The following H4C1 variants were observed in gnomAD, a reference collection of about 807,000 sequenced individuals.
H4C1 encodes the protein histone H4.
H4C1 carries 9 observed loss-of-function variants against 4.4 expected under a neutral mutation model. The ratio of observed to expected loss-of-function variants is 2.05; its 90% CI spans 1.23 to 3.57. The LOEUF is 3.57. H4C1 is among the 30% of genes most tolerant of loss of function. The pLI, the probability that H4C1 is intolerant of heterozygous loss-of-function variation, is 0.00. For missense variants in H4C1, 124 were observed against 148.8 expected, an observed-to-expected ratio of 0.83 and a Z score of 0.87; for synonymous variants, 74 against 57.9, an observed-to-expected ratio of 1.28 and a Z score of -1.27.
chr6:26,021,956 G>A lies in H4C1; in HGVS notation c.278G>A (p.Arg93His). 6.2e-7 allele frequency: 1 copy of A among 1,609,504 alleles called. No homozygotes were observed. Among genetic ancestry groups the A allele is most frequent in the Non-Finnish European group, 8.5e-7 (1 of 1,177,028 alleles). Reference protein sequence around the residue: ...TAMDVVYALKRQGRTLYGFGG With the variant: ...TAMDVVYALKHQGRTLYGFGG Reference sequence around the variant, plus strand: ...ATGGACGTGGTCTACGCGCTTAAGCGCCAGGGACGCACCCTTTATGGCTTT... The same window carrying A: ...ATGGACGTGGTCTACGCGCTTAAGCACCAGGGACGCACCCTTTATGGCTTT... Residue 93 changes from arginine (R) to histidine (H), a missense_variant, in exon 1 of 1, where the codon CGC (arginine) becomes CAC (histidine). By Grantham distance (29) the Arg-to-His change is conservative (BLOSUM62 0). Coordinates refer to ENST00000617569, the MANE Select transcript of H4C1 (RefSeq NM_003538.4).
In H4C1 at chr6:26,021,943, T is replaced by TA. The variant is rs1436314307; in HGVS notation, c.266dup (p.Tyr89Ter). ...GACAGTCACTGCCATGGACGTGGTC[T>TA]ACGCGCTTAAGCGCCAGGGACGCAC... ...RKTVTAMDVV[Y>*]ALKRQGRTLY... Residue 89 changes from tyrosine (Y) to a stop codon, truncating the protein, a stop_gained and frameshift_variant, in exon 1 of 1, where the codon TAC becomes TAAC. Transcript: ENST00000617569. LOFTEE classifies it high-confidence loss of function. 16 of 1,612,126 alleles carry TA rather than the reference T, an allele frequency of 9.9e-6. No homozygotes were observed. The African/African-American group carries it at 2.0e-4, about 20-fold the overall frequency.
At position 26,021,829 on chromosome 6, in the gene H4C1, A is replaced by G. The variant is rs1261023659; in HGVS notation, c.151A>G (p.Ile51Val). The change falls in exon 1 of 1, where the codon ATC (isoleucine) becomes GTC (valine). Residue 51 changes from isoleucine (I) to valine (V), a missense_variant. By Grantham distance (29) the Ile-to-Val change is conservative. Coordinates refer to ENST00000617569, the MANE Select transcript of H4C1 (RefSeq NM_003538.4). ...RGGVKRISGL[I>V]YEETRGVLKV... ...CGGTGTGAAGCGGATCTCTGGTCTG[A>G]TCTACGAGGAGACTCGCGGGGTGCT... 1.9e-6 allele frequency: 3 copies of G among 1,614,124 alleles called. No individual in the cohort carries two copies. Among genetic ancestry groups the G allele is most frequent in the Non-Finnish European group, 2.5e-6 (3 of 1,180,048 alleles).
At position 26,022,026 on chromosome 6, in the gene H4C1, C is replaced by CA; in HGVS notation, c.*39dup. On this transcript the variant is annotated 3_prime_UTR_variant, in exon 1 of 1. Coordinates refer to ENST00000617569, the MANE Select transcript of H4C1 (RefSeq NM_003538.4). ...TTCTCCACAGCTTGCATTTCTGAACCAAAGGCCCTTTTCAGGGCCGCCCAA... is the reference window on the plus strand; with the variant it reads ...TTCTCCACAGCTTGCATTTCTGAACCAAAAGGCCCTTTTCAGGGCCGCCCAA... 1 of 1,528,598 alleles carries CA rather than the reference C, an allele frequency of 6.5e-7. No homozygotes were observed. The highest frequency in any genetic ancestry group is 2.3e-5 in the East Asian group (1 of 44,080). The allele number at this position is 1,528,598 out of a possible 1,614,324, so 94.7% of individuals were successfully genotyped here.
At position 26,021,999 on chromosome 6, in the gene H4C1, AT is replaced by A; in HGVS notation, c.*12del. 2 of 1,559,166 alleles carry A rather than the reference AT, an allele frequency of 1.3e-6. No individual in the cohort carries two copies. The highest frequency in any genetic ancestry group is 1.7e-6 in the Non-Finnish European group (2 of 1,152,126). ...ATGGCTTTGGCGGTTAAGGTTGCTG[AT>A]TTCTCCACAGCTTGCATTTCTGAAC... is the stretch of plus-strand genomic sequence containing the variant. On this transcript the variant is annotated 3_prime_UTR_variant, in exon 1 of 1. Transcript: ENST00000617569.
In H4C1 at chr6:26,021,919, A is replaced by G; in HGVS notation, c.241A>G (p.Thr81Ala). 6.2e-7 allele frequency: 1 copy of G among 1,614,068 alleles called. No homozygotes were observed. The highest frequency in any genetic ancestry group is 2.2e-5 in the East Asian group (1 of 44,872). ...CTATACGGAGCACGCCAAGCGCAAG[A>G]CAGTCACTGCCATGGACGTGGTCTA... The part of the protein sequence containing the change: ...VTYTEHAKRK[T>A]VTAMDVVYAL... The change falls in exon 1 of 1, where the codon ACA becomes GCA. Residue 81 changes from threonine to alanine, a missense_variant. Physicochemically the swap from Thr to Ala is moderately conservative, Grantham distance 58. Transcript: ENST00000617569.
rs1561915280 is a variant in H4C1, at chr6:26,021,945, C to A, written c.267C>A (p.Tyr89Ter). ...CAGTCACTGCCATGGACGTGGTCTA[C>A]GCGCTTAAGCGCCAGGGACGCACCC... is the stretch of plus-strand genomic sequence containing the variant. ...RKTVTAMDVVYALKRQGRTLY... is the reference protein window; with the variant it reads ...RKTVTAMDVV The change falls in exon 1 of 1, where the codon TAC becomes TAA. Residue 89 changes from tyrosine (Y) to a stop codon, truncating the protein, a stop_gained. Coordinates refer to ENST00000617569, the MANE Select transcript of H4C1 (RefSeq NM_003538.4). LOFTEE classifies it high-confidence loss of function. 10 of 1,611,416 alleles carry A rather than the reference C, an allele frequency of 6.2e-6. No homozygotes were observed. In the East Asian group the frequency reaches 1.3e-4, roughly 22 times the overall value.
In H4C1 at chr6:26,021,975, T is replaced by C. The variant is rs1488097376; in HGVS notation, c.297T>C (p.Tyr99=). 3 of 1,591,914 alleles carry C rather than the reference T, an allele frequency of 1.9e-6. No homozygotes were observed. The highest frequency in any genetic ancestry group is 1.7e-6 in the Non-Finnish European group (2 of 1,167,774). ...YALKRQGRTL[Y]GFGG ...TTAAGCGCCAGGGACGCACCCTTTA[T>C]GGCTTTGGCGGTTAAGGTTGCTGAT... Residue 99 remains tyrosine, a synonymous_variant, in exon 1 of 1, where the codon TAT becomes TAC. Transcript: ENST00000617569.
rs1373192282 is a variant in H4C1 at position 26,021,702 on chromosome 6, G to A, written c.24G>A (p.Gly8=). 6 of 1,609,978 alleles carry A rather than the reference G, an allele frequency of 3.7e-6. No individual in the cohort carries two copies. The highest frequency in any genetic ancestry group is 5.1e-6 in the Non-Finnish European group (6 of 1,177,438). The change falls in exon 1 of 1, where the codon GGG becomes GGA. Residue 8 remains glycine, a synonymous_variant. Transcript: ENST00000617569. The stretch of plus-strand genomic sequence containing the variant: ...TCATGTCTGGACGTGGTAAGGGCGG[G>A]AAGGGTTTGGGTAAGGGGGGTGCCA... MSGRGKG[G]KGLGKGGAKR...
Position 26,021,846 on chromosome 6 carries a change from C to G in H4C1, c.168C>G (p.Arg56=). The part of the protein sequence containing the change: ...RISGLIYEET[R]GVLKVFLENV... ...CTGGTCTGATCTACGAGGAGACTCGCGGGGTGCTCAAGGTGTTTTTGGAGA... is the reference window on the plus strand; with the variant it reads ...CTGGTCTGATCTACGAGGAGACTCGGGGGGTGCTCAAGGTGTTTTTGGAGA... The change falls in exon 1 of 1, where the codon CGC becomes CGG. Residue 56 remains arginine (R), a synonymous_variant. Coordinates refer to ENST00000617569, the MANE Select transcript of H4C1 (RefSeq NM_003538.4). 1 of 1,614,212 alleles carries G rather than the reference C, an allele frequency of 6.2e-7. No individual in the cohort carries two copies. The highest frequency in any genetic ancestry group is 8.5e-7 in the Non-Finnish European group (1 of 1,180,026).
In H4C1 at chr6:26,022,030, G is replaced by C; in HGVS notation, c.*40G>C. 1 of 1,526,530 alleles carries C rather than the reference G, an allele frequency of 6.6e-7. No homozygotes were observed. The allele number at this position is 1,526,530 out of a possible 1,614,324, so 94.6% of individuals were successfully genotyped here. ...CCACAGCTTGCATTTCTGAACCAAA[G>C]GCCCTTTTCAGGGCCGCCCAACTAA... On this transcript the variant is annotated 3_prime_UTR_variant, in exon 1 of 1. Coordinates refer to ENST00000617569, the MANE Select transcript of H4C1 (RefSeq NM_003538.4).
Position 26,021,741 on chromosome 6 carries a change from G to A in H4C1, c.63G>A (p.Lys21=), listed in dbSNP as rs771866075. Residue 21 remains lysine, a synonymous_variant, in exon 1 of 1, where the codon AAG becomes AAA. Transcript: ENST00000617569. The part of the protein sequence containing the change: ...LGKGGAKRHR[K]VLRDNIQGIT... The stretch of plus-strand genomic sequence containing the variant: ...AGGGGGGTGCCAAGCGCCACCGCAA[G>A]GTGTTGCGTGACAACATCCAGGGCA... The A allele has an allele frequency of 3.7e-5, 59 of 1,614,088 alleles. No individual in the cohort carries two copies. Among genetic ancestry groups the A allele is most frequent in the Non-Finnish European group, 4.9e-5 (58 of 1,180,028 alleles).
In H4C1 at chr6:26,021,699, C is replaced by CG; in HGVS notation, c.24dup (p.Lys9GlufsTer5). On this transcript the variant is annotated frameshift_variant, in exon 1 of 1. Transcript: ENST00000617569. LOFTEE classifies it high-confidence loss of function. ...AAGTCATGTCTGGACGTGGTAAGGGCGGGAAGGGTTTGGGTAAGGGGGGTG... is the reference window on the plus strand; with the variant it reads ...AAGTCATGTCTGGACGTGGTAAGGGCGGGGAAGGGTTTGGGTAAGGGGGGTG... The CG allele has an allele frequency of 6.2e-7, 1 of 1,608,106 alleles. No individual in the cohort carries two copies. The highest frequency in any genetic ancestry group is 8.5e-7 in the Non-Finnish European group (1 of 1,176,360).
Position 26,021,719 on chromosome 6 carries a change from G to T in H4C1, c.41G>T (p.Gly14Val). The T allele has an allele frequency of 6.2e-7, 1 of 1,613,412 alleles. No individual in the cohort carries two copies. Among genetic ancestry groups the T allele is most frequent in the Non-Finnish European group, 8.5e-7 (1 of 1,179,568 alleles). Residue 14 changes from glycine to valine, a missense_variant, in exon 1 of 1, where the codon GGG becomes GTG. Physicochemically the swap from Gly to Val is moderately radical, Grantham distance 109. Coordinates refer to ENST00000617569, the MANE Select transcript of H4C1 (RefSeq NM_003538.4). Reference sequence around the variant, plus strand: ...AAGGGCGGGAAGGGTTTGGGTAAGGGGGGTGCCAAGCGCCACCGCAAGGTG... The same window carrying T: ...AAGGGCGGGAAGGGTTTGGGTAAGGTGGGTGCCAAGCGCCACCGCAAGGTG... ...RGKGGKGLGK[G>V]GAKRHRKVLR...
Position 26,021,845 on chromosome 6 carries a change from G to A in H4C1, c.167G>A (p.Arg56His). ...RISGLIYEET[R>H]GVLKVFLENV... ...TCTGGTCTGATCTACGAGGAGACTC[G>A]CGGGGTGCTCAAGGTGTTTTTGGAG... Residue 56 changes from arginine to histidine, a missense_variant, in exon 1 of 1, where the codon CGC becomes CAC. By Grantham distance (29) the Arg-to-His change is conservative. Transcript: ENST00000617569. 6.2e-7 allele frequency: 1 copy of A among 1,614,256 alleles called. No homozygotes were observed. The highest frequency in any genetic ancestry group is 8.5e-7 in the Non-Finnish European group (1 of 1,180,038).
rs778763023 is a variant in H4C1, at chr6:26,021,881, G to A, written c.203G>A (p.Arg68His). Residue 68 changes from arginine (R) to histidine (H), a missense_variant, in exon 1 of 1, where the codon CGT becomes CAT. Coordinates refer to ENST00000617569, the MANE Select transcript of H4C1 (RefSeq NM_003538.4). ...AAGGTGTTTTTGGAGAACGTGATCC[G>A]TGACGCTGTCACCTATACGGAGCAC... is the stretch of plus-strand genomic sequence containing the variant. ...VLKVFLENVI[R>H]DAVTYTEHAK... The A allele has an allele frequency of 7.4e-6, 12 of 1,614,242 alleles. No individual in the cohort carries two copies. The highest frequency in any genetic ancestry group is 1.0e-5 in the Non-Finnish European group (12 of 1,180,042).
Position 26,021,687 on chromosome 6 carries a change from A to G in H4C1, c.9A>G (p.Gly3=), listed in dbSNP as rs765670243. The change falls in exon 1 of 1, where the codon GGA becomes GGG. Residue 3 remains glycine (G), a synonymous_variant. Transcript: ENST00000617569. MS[G]RGKGGKGLGK... ...TCACTTCTTGGGAAGTCATGTCTGG[A>G]CGTGGTAAGGGCGGGAAGGGTTTGG... is the stretch of plus-strand genomic sequence containing the variant. The G allele has an allele frequency of 3.1e-6, 5 of 1,600,794 alleles. No individual in the cohort carries two copies. Among genetic ancestry groups the G allele is most frequent in the Non-Finnish European group, 3.4e-6 (4 of 1,172,038 alleles).
rs1761264711 is a variant in H4C1 at position 26,021,892 on chromosome 6, A to G, written c.214A>G (p.Thr72Ala). ...GGAGAACGTGATCCGTGACGCTGTC[A>G]CCTATACGGAGCACGCCAAGCGCAA... The part of the protein sequence containing the change: ...FLENVIRDAV[T>A]YTEHAKRKTV... The change falls in exon 1 of 1, where the codon ACC becomes GCC. Residue 72 changes from threonine to alanine, a missense_variant. By Grantham distance (58) the Thr-to-Ala change is moderately conservative. Transcript: ENST00000617569. The G allele has an allele frequency of 1.2e-6, 2 of 1,614,046 alleles. No individual in the cohort carries two copies. Among genetic ancestry groups the G allele is most frequent in the East Asian group, 2.2e-5 (1 of 44,894 alleles).
chr6:26,021,765 C>T lies in H4C1; in HGVS notation c.87C>T (p.Gly29=), dbSNP rs1158549054. ...AGGTGTTGCGTGACAACATCCAGGG[C>T]ATCACCAAGCCGGCCATCCGGCGTC... ...HRKVLRDNIQ[G]ITKPAIRRLA... is the part of the protein sequence containing the mutation. Residue 29 remains glycine, a synonymous_variant, in exon 1 of 1, where the codon GGC becomes GGT. Transcript: ENST00000617569. 2 of 1,614,276 alleles carry T rather than the reference C, an allele frequency of 1.2e-6. No individual in the cohort carries two copies. The highest frequency in any genetic ancestry group is 2.2e-5 in the South Asian group (2 of 91,088).
chr6:26,021,729 G>GCGCCA lies in H4C1; in HGVS notation c.53_57dup (p.Arg20AlafsTer27). On this transcript the variant is annotated frameshift_variant, in exon 1 of 1. Coordinates refer to ENST00000617569, the MANE Select transcript of H4C1 (RefSeq NM_003538.4). LOFTEE classifies it high-confidence loss of function. ...AGGGTTTGGGTAAGGGGGGTGCCAA[G>GCGCCA]CGCCACCGCAAGGTGTTGCGTGACA... is the stretch of plus-strand genomic sequence containing the variant. 2.5e-6 allele frequency: 4 copies of GCGCCA among 1,613,946 alleles called. No individual in the cohort carries two copies. The highest frequency in any genetic ancestry group is 3.4e-6 in the Non-Finnish European group (4 of 1,179,866).
Sources: gnomAD v4.1 joint callset for allele counts on GRCh38, gnomAD v4.1.1 for gene constraint, MANE v1.5 for transcripts, NCBI Gene and HGNC (gene_info 2026-07-23, HGNC 2026-07-21) for gene names.